BEND7: variants seen among roughly 807,000 people sequenced by gnomAD.
The protein encoded by BEND7 is BEN domain containing 7.
Under a neutral mutation model 50.9 loss-of-function variants are expected in BEND7, and 28 were observed. That is an observed-to-expected ratio of 0.55 (90% CI 0.41 to 0.75). The LOEUF (loss-of-function observed/expected upper bound fraction) is 0.75, where lower values mean the gene tolerates loss of function less well. Ranked by LOEUF, BEND7 falls within the 30% of genes least tolerant of loss-of-function variation. The probability of loss-of-function intolerance (pLI) is 0.00; values close to 1 mark genes in which losing one functional copy is unlikely to be tolerated. For missense variants in BEND7, 477 were observed against 491.3 expected (o/e 0.97, Z 0.28); for synonymous variants, 170 against 183.9 (o/e 0.92, Z 0.61).
chr10:13,463,081 G>A (rs1234631553), intron 6 of BEND7, among the ~76,000 whole-genome samples: 1 of 152,260 alleles, frequency 6.6e-6, no homozygotes, highest in Admixed American at 6.5e-5. Flanking sequence ...ACAAAGACTC[G>A]AAGACCCTCA....
chr10:13,455,238 ATGGAGAG>A (rs1250608249), intron 6 of BEND7, among the ~76,000 whole-genome samples: 3 of 152,098 alleles, frequency 2.0e-5, no homozygotes, highest in Admixed American at 6.6e-5. Flanking sequence ...CAGAGAGAAC[ATGGAGAG>A]TGGAAAGGGC....
At position 13,496,904 on chromosome 10, in the gene BEND7, A is replaced by T; in HGVS notation, c.449-16T>A. The T allele has an allele frequency of 6.3e-7, 1 of 1,590,308 alleles. No individual in the cohort carries two copies. On this transcript the variant is annotated splice_polypyrimidine_tract_variant and intron_variant, in intron 3 of 8. Transcript: ENST00000466271. The stretch of plus-strand genomic sequence containing the variant: ...GGAAGTTCTCCTGAGCATGAAAGAA[A>T]AGAATGACATACTCCAAACAAACCA...
rs141355729 is a variant in BEND7 at position 13,523,111 on chromosome 10, A to G, written c.145+3027T>C. Among the ~76,000 whole-genome samples the G allele has an allele frequency of 4.5e-3, 686 of 152,088 alleles. 14 individuals carry two copies. In the South Asian group the frequency reaches 0.074, roughly 16 times the overall value. On this transcript the variant is annotated intron_variant, in intron 2 of 8. Coordinates refer to ENST00000466271, the MANE Select transcript of BEND7 (RefSeq NM_001369863.1). ...CATTTCTGTGACTATCTCTGACCCC[A>G]CTCCCATTCCAGAAAAGTGCTGAGT...
intron 2 of BEND7, among the ~76,000 whole-genome samples, chr10:13,515,314 C>T (rs1000180078): frequency 7.9e-5 from 12 of 152,200 alleles, no homozygotes; most frequent in African/African-American, 2.9e-4. Context: ...ATTACAGAGA[C>T]AAATGTCTCA....
intron 6 of BEND7, chr10:13,480,488 A>G (rs1371214955): frequency 2.2e-6 from 1 of 450,706 alleles, no homozygotes; most frequent in African/African-American, 2.1e-5. Flanking sequence ...GCAACTCTAA[A>G]CTTCAGAGAG....
chr10:13,521,572 T>C (rs1324116972), intron 2 of BEND7, among the ~76,000 whole-genome samples: 1 of 152,040 alleles, frequency 6.6e-6, no homozygotes, highest in Non-Finnish European at 1.5e-5. Flanking sequence ...GTGCTGAAGG[T>C]GGAGCTTTTG....
At chr10:13,485,008 G>A (rs2076119448) in intron 5 of BEND7, among the ~76,000 whole-genome samples, 1 of 152,098 alleles carries the variant, frequency 6.6e-6, no homozygotes, top group Non-Finnish European at 1.5e-5. Flanking sequence ...TTTCAACTGT[G>A]GTCTCCCTTT....
chr10:13,478,985 G>A (rs1179928419), intron 6 of BEND7, among the ~76,000 whole-genome samples: 2 of 150,592 alleles, frequency 1.3e-5, no homozygotes, highest in African/African-American at 4.9e-5. Context: ...AAATGAAGAT[G>A]TGTCCTCTAT....
chr10:13,503,985 G>A (rs1339753675), intron 2 of BEND7, among the ~76,000 whole-genome samples: 3 of 152,240 alleles, frequency 2.0e-5, no homozygotes, highest in Admixed American at 2.0e-4. Flanking sequence ...GGAGGAGGGA[G>A]TCCTGGGGCT....
intron 7 of BEND7, among the ~76,000 whole-genome samples, chr10:13,450,230 C>A (rs1049507038): frequency 1.3e-5 from 2 of 152,156 alleles, no homozygotes; most frequent in Non-Finnish European, 2.9e-5. Flanking sequence ...TAAGTGGTAG[C>A]CAATTAGCTT....
intron 8 of BEND7, 96 bp downstream of exon 8, chr10:13,447,170 G>T: frequency 7.6e-7 from 1 of 1,307,560 alleles, no homozygotes; most frequent in Non-Finnish European, 1.1e-6. Context: ...TTGCTCAAGT[G>T]TCTGCATGTC....
At chr10:13,518,164 G>C (rs966195619) in intron 2 of BEND7, among the ~76,000 whole-genome samples, 2 of 152,094 alleles carry the variant, frequency 1.3e-5, no homozygotes, top group East Asian at 1.9e-4. Flanking sequence ...AAAAGTAAAA[G>C]ACCACAATAT....
upstream of BEND7, among the ~76,000 whole-genome samples, chr10:13,529,291 G>T (rs1419683457): frequency 6.6e-6 from 1 of 151,230 alleles, no homozygotes; most frequent in East Asian, 2.0e-4. Context: ...TCCCTCCGCC[G>T]CTTGCTGGGC....
At position 13,528,590 on chromosome 10, in the gene BEND7, AGCG is replaced by A; in HGVS notation, c.-60_-58del. 1.2e-6 allele frequency: 1 copy of A among 817,008 alleles called. No individual in the cohort carries two copies. The highest frequency in any genetic ancestry group is 1.4e-6 in the Non-Finnish European group (1 of 692,850). The allele number at this position is 817,008 out of a possible 1,614,324, so 50.6% of individuals were successfully genotyped here. A position where few individuals can be genotyped will look rare whatever the true frequency, so the allele number is the denominator to read the frequency against. On this transcript the variant is annotated 5_prime_UTR_variant, in exon 1 of 9. Coordinates refer to ENST00000466271, the MANE Select transcript of BEND7 (RefSeq NM_001369863.1). Reference sequence around the variant, plus strand: ...AGGCGGCGGCAGCGGCGGCAGCGGCAGCGGCGGCAGCGGCAGCGGCGGCGCGGG... The same window carrying A: ...AGGCGGCGGCAGCGGCGGCAGCGGCAGCGGCAGCGGCAGCGGCGGCGCGGG...
intron 2 of BEND7, among the ~76,000 whole-genome samples, chr10:13,512,302 T>C (rs1341493317): frequency 6.6e-6 from 1 of 152,200 alleles, no homozygotes; most frequent in Non-Finnish European, 1.5e-5. Flanking sequence ...TTGGTCCATG[T>C]GAAGCCTGTT....
At chr10:13,489,493 G>C (rs1312350955) in intron 5 of BEND7, among the ~76,000 whole-genome samples, 1 of 152,130 alleles carries the variant, frequency 6.6e-6, no homozygotes, top group African/African-American at 2.4e-5. Flanking sequence ...GTGTGAACTT[G>C]TGCAAGCTGC....
chr10:13,495,176 A>C (rs1229702762), intron 4 of BEND7, among the ~76,000 whole-genome samples: 1 of 152,266 alleles, frequency 6.6e-6, no homozygotes, highest in African/African-American at 2.4e-5. Flanking sequence ...TTAAGTGCTA[A>C]CAAATTCCTC....
intron 7 of BEND7, among the ~76,000 whole-genome samples, chr10:13,451,169 C>T (rs897146832): frequency 1.6e-4 from 24 of 151,812 alleles, no homozygotes; most frequent in African/African-American, 5.8e-4. Flanking sequence ...CTGAGAATAG[C>T]CTTCTACAGA....
At chr10:13,439,216 A>T (rs1037841678), downstream of BEND7, 1 of 1,614,064 alleles carries the variant, frequency 6.2e-7, no homozygotes, top group African/African-American at 1.3e-5. Flanking sequence ...GACTTGGCTG[A>T]GCCTGGCGTG....
Sources: gnomAD v4.1 joint callset for allele counts (sites outside exome capture counted in the v4.1 genomes callset) on GRCh38, gnomAD v4.1.1 for gene constraint, MANE v1.5 for transcripts, NCBI Gene and HGNC (gene_info 2026-07-23, HGNC 2026-07-21) for gene names.